Variants in R3HDM1 observed in about 807,000 individuals in gnomAD.
The protein encoded by R3HDM1 is R3H domain-containing protein 1.
R3HDM1 carries 46 observed loss-of-function variants against 141.1 expected under a neutral mutation model. The observed-to-expected ratio is 0.33, with a 90% CI of 0.26 to 0.42. The LOEUF is 0.42. Ranked by LOEUF, R3HDM1 falls within the 10% of genes least tolerant of loss-of-function variation. R3HDM1 has a pLI of 1.00. For missense variants in R3HDM1, 1,184 were observed against 1,368.3 expected, an observed-to-expected ratio of 0.87 and a Z score of 2.12; for synonymous variants, 435 against 472.9, an observed-to-expected ratio of 0.92 and a Z score of 1.04.
At chr2:135,684,290 C>T (rs1416437300) in intron 21 of R3HDM1, among the ~76,000 whole-genome samples, 1 of 152,058 alleles carries the variant, frequency 6.6e-6, no homozygotes, top group African/African-American at 2.4e-5. Flanking sequence ...GAGGTTTCAC[C>T]ATGTTAGCCA....
chr2:135,633,118 T>C (rs577600761), intron 9 of R3HDM1, among the ~76,000 whole-genome samples: 4 of 152,308 alleles, frequency 2.6e-5, no homozygotes, highest in African/African-American at 9.6e-5. Flanking sequence ...CTTTTCTTCT[T>C]ATAGGGATTA....
At chr2:135,686,057 C>T (rs2071279769) in intron 21 of R3HDM1, among the ~76,000 whole-genome samples, 1 of 151,854 alleles carries the variant, frequency 6.6e-6, no homozygotes, top group South Asian at 2.1e-4. Context: ...GCAAACAGGC[C>T]AGAGAAAGGA....
intron 21 of R3HDM1, among the ~76,000 whole-genome samples, chr2:135,689,646 A>G (rs2071991238): frequency 6.6e-6 from 1 of 152,184 alleles, no homozygotes; most frequent in African/African-American, 2.4e-5. Context: ...CTTTCAGTTC[A>G]CTGAGGCAAC....
intron 16 of R3HDM1, among the ~76,000 whole-genome samples, chr2:135,647,262 T>G (rs1046156608): frequency 2.6e-5 from 4 of 152,228 alleles, no homozygotes; most frequent in Non-Finnish European, 4.4e-5. Context: ...TTGGCTTCAG[T>G]CAGCTTGGTC....
chr2:135,622,347 G>T (rs1034742458), intron 6 of R3HDM1: 1 of 984,440 alleles, frequency 1.0e-6, no homozygotes, highest in African/African-American at 1.7e-5. Flanking sequence ...TTGAACATGA[G>T]GTTGTGGTGA....
chr2:135,671,431 G>A lies in R3HDM1; in HGVS notation c.2153-3901G>A, dbSNP rs558651352. On this transcript the variant is annotated intron_variant, in intron 19 of 26. Coordinates refer to ENST00000683871, the MANE Select transcript of R3HDM1 (RefSeq NM_001378107.1). ...GTCGCCCAGGCTGGAGTGCAATGGCGCGATCTCAGCTCACTGCAACCTCTG... is the reference window on the plus strand; with the variant it reads ...GTCGCCCAGGCTGGAGTGCAATGGCACGATCTCAGCTCACTGCAACCTCTG... Among the ~76,000 whole-genome samples the A allele has an allele frequency of 2.2e-4, 33 of 151,950 alleles. No homozygotes were observed. The South Asian group carries it at 2.7e-3, about 13-fold the overall frequency.
intron 21 of R3HDM1, among the ~76,000 whole-genome samples, chr2:135,703,656 A>G (rs546315085): frequency 6.6e-6 from 1 of 152,178 alleles, no homozygotes; most frequent in East Asian, 1.9e-4. Flanking sequence ...TAGGGAATAG[A>G]TGAGCTATAA....
intron 23 of R3HDM1, among the ~76,000 whole-genome samples, chr2:135,712,472 G>A (rs931462424): frequency 4.3e-5 from 6 of 138,546 alleles, no homozygotes; most frequent in Admixed American, 7.8e-5. Flanking sequence ...GGGTATTGCC[G>A]TGTTGCCCAG....
At chr2:135,632,128 T>G in intron 9 of R3HDM1, 127 bp downstream of exon 9, 1 of 820,014 alleles carries the variant, frequency 1.2e-6, no homozygotes, top group African/African-American at 1.8e-5. Context: ...GATAACCTTA[T>G]GTGATAGGAC....
At chr2:135,632,412 G>A (rs1019953106) in intron 9 of R3HDM1, among the ~76,000 whole-genome samples, 3 of 151,264 alleles carry the variant, frequency 2.0e-5, no homozygotes, top group East Asian at 1.9e-4. Flanking sequence ...TCAGTTTACC[G>A]TTCTTTCCAA....
intron 24 of R3HDM1, among the ~76,000 whole-genome samples, chr2:135,716,852 T>G (rs565380993): frequency 4.6e-5 from 7 of 152,206 alleles, no homozygotes; most frequent in Admixed American, 2.6e-4. Context: ...CTCGGGAGGC[T>G]GAAGCAGGAG....
In R3HDM1 at chr2:135,631,763, C is replaced by A; in HGVS notation, c.543C>A (p.Phe181Leu). The change falls in exon 8 of 27, where the codon TTC becomes TTA. Residue 181 changes from phenylalanine (F) to leucine (L), a missense_variant. Phe to Leu is a conservative substitution (Grantham distance 22). Around this residue, in one of 5 missense-constraint regions of R3HDM1, gnomAD observed 192 missense variants for 215.7 expected, o/e 0.89. Coordinates refer to ENST00000683871, the MANE Select transcript of R3HDM1 (RefSeq NM_001378107.1). Reference protein sequence around the residue: ...LLKLEQEILDFIGNNESPRKK... With the variant: ...LLKLEQEILDLIGNNESPRKK... ...AATTGGAACAAGAAATTTTAGATTT[C>A]ATTGGTAATAATGAGTAAGTCCTGA... is the stretch of plus-strand genomic sequence containing the variant. 1 of 1,566,608 alleles carries A rather than the reference C, an allele frequency of 6.4e-7. No individual in the cohort carries two copies. The highest frequency in any genetic ancestry group is 8.6e-7 in the Non-Finnish European group (1 of 1,161,338).
intron 3 of R3HDM1, among the ~76,000 whole-genome samples, chr2:135,609,878 C>CA (rs1329340060): frequency 6.0e-5 from 9 of 150,812 alleles, no homozygotes; most frequent in Admixed American, 1.3e-4. Context: ...CTGTCTCTAC[C>CA]AAAAAAAATA....
chr2:135,715,803 C>A, intron 24 of R3HDM1, 109 bp downstream of exon 24: 1 of 1,314,538 alleles, frequency 7.6e-7, no homozygotes, highest in Non-Finnish European at 1.0e-6. Context: ...CATAGAGCTG[C>A]ATCTTCACCT....
At chr2:135,590,576 T>C in intron 1 of R3HDM1, 2 of 985,400 alleles carry the variant, frequency 2.0e-6, no homozygotes, top group Non-Finnish European at 2.4e-6. Context: ...TGAATTTTTG[T>C]GTTTTGTGCA....
intron 20 of R3HDM1, among the ~76,000 whole-genome samples, chr2:135,677,077 G>A (rs935047804): frequency 2.0e-5 from 3 of 152,098 alleles, no homozygotes; most frequent in African/African-American, 7.2e-5. Flanking sequence ...AATGATGGGC[G>A]TAAATTGGTT....
chr2:135,534,602 G>A (rs1221170662), intron 1 of R3HDM1, among the ~76,000 whole-genome samples: 1 of 152,194 alleles, frequency 6.6e-6, no homozygotes, highest in Non-Finnish European at 1.5e-5. Flanking sequence ...TTTCTGACAG[G>A]AATGTCCAGT....
At chr2:135,590,203 A>C (rs1708932705) in intron 1 of R3HDM1, among the ~76,000 whole-genome samples, 1 of 152,214 alleles carries the variant, frequency 6.6e-6, no homozygotes, top group Admixed American at 6.5e-5. Flanking sequence ...AAAGTTATGT[A>C]GTACCTCTAC....
At chr2:135,662,079 G>A (rs2066798056) in intron 19 of R3HDM1, among the ~76,000 whole-genome samples, 1 of 152,086 alleles carries the variant, frequency 6.6e-6, no homozygotes. Context: ...TCATTTCTCT[G>A]TATGCTTCTC....
Sources: gnomAD v4.1 joint callset for allele counts (sites outside exome capture counted in the v4.1 genomes callset) on GRCh38, gnomAD v4.1.1 for gene constraint, gnomAD v4.1.1 regional missense constraint, MANE v1.5 for transcripts, NCBI Gene and HGNC (gene_info 2026-07-23, HGNC 2026-07-21) for gene names.